Variants in GRID2 observed in about 807,000 individuals in gnomAD.
The protein encoded by GRID2 is glutamate ionotropic receptor delta type subunit 2.
GRID2 carries 33 observed loss-of-function variants against 114.8 expected under a neutral mutation model. The ratio of observed to expected loss-of-function variants is 0.29; its 90% CI spans 0.22 to 0.38. GRID2 has a LOEUF of 0.38. GRID2 is among the 10% of genes least tolerant of loss of function. GRID2 has a pLI of 1.00. For synonymous variants in GRID2, 505 were observed against 449.9 expected (o/e 1.12, Z -1.55); for missense variants, 1,184 against 1,257.7 (o/e 0.94, Z 0.89).
intron 2 of GRID2, among the ~76,000 whole-genome samples, chr4:92,658,456 C>G (rs1732352875): frequency 6.6e-6 from 1 of 151,728 alleles, no homozygotes; most frequent in African/African-American, 2.4e-5. Flanking sequence ...ATTAGCCACG[C>G]TGGTAAAGGC....
At chr4:92,381,825 C>T (rs1729634820) in intron 1 of GRID2, among the ~76,000 whole-genome samples, 1 of 151,964 alleles carries the variant, frequency 6.6e-6, no homozygotes, top group African/African-American at 2.4e-5. Flanking sequence ...GGTCTTACAT[C>T]TACCCTGTGG....
At chr4:93,679,299 A>G (rs530376486) in intron 14 of GRID2, among the ~76,000 whole-genome samples, 50 of 151,188 alleles carry the variant, frequency 3.3e-4, no homozygotes, top group Middle Eastern at 6.8e-3. Context: ...TGACCTACAA[A>G]GAGACTTAGA....
intron 14 of GRID2, among the ~76,000 whole-genome samples, chr4:93,760,816 A>AT (rs1733143595): frequency 6.6e-6 from 1 of 152,116 alleles, no homozygotes; most frequent in Admixed American, 6.5e-5. Context: ...AATCATAATC[A>AT]CTTCCCTGGA....
rs1201462257 is a variant in GRID2 at position 92,530,657 on chromosome 4, A to G, written c.89-59474A>G. ...TGGCTTATTCCTGTAATCCCAGTACATTGGGAGGCCAAGGCGGGCAGATCA... is the reference window on the plus strand; with the variant it reads ...TGGCTTATTCCTGTAATCCCAGTACGTTGGGAGGCCAAGGCGGGCAGATCA... On this transcript the variant is annotated intron_variant, in intron 1 of 15. Coordinates refer to ENST00000282020, the MANE Select transcript of GRID2 (RefSeq NM_001510.4). 2.0e-5 allele frequency among the ~76,000 whole-genome samples: 3 copies of G among 151,086 alleles called. No homozygotes were observed. In the East Asian group the frequency reaches 5.9e-4, roughly 30 times the overall value.
intron 8 of GRID2, among the ~76,000 whole-genome samples, chr4:93,363,678 TAA>T (rs1436355750): frequency 6.6e-6 from 1 of 152,084 alleles, no homozygotes; most frequent in Non-Finnish European, 1.5e-5. Context: ...TGAATCTGTT[TAA>T]GTTGATTTAA....
chr4:93,752,494 C>G lies in GRID2; in HGVS notation c.2361-16716C>G, dbSNP rs1732411238. ...CACACCCTTCTCCTGCCTCAGCCTC[C>G]TGAGTAGCTGGGACTACAGGCACCT... On this transcript the variant is annotated intron_variant, in intron 14 of 15. Transcript: ENST00000282020. Among the ~76,000 whole-genome samples, 4 of 152,124 alleles carry G rather than the reference C, an allele frequency of 2.6e-5. No individual in the cohort carries two copies. The South Asian group carries it at 8.3e-4, about 32-fold the overall frequency.
intron 8 of GRID2, among the ~76,000 whole-genome samples, chr4:93,336,083 A>G (rs1759059988): frequency 6.6e-6 from 1 of 152,190 alleles, no homozygotes; most frequent in Non-Finnish European, 1.5e-5. Flanking sequence ...TTTGCCACCA[A>G]GTTTAAACAG....
chr4:92,361,540 G>A (rs1728619972), intron 1 of GRID2, among the ~76,000 whole-genome samples: 1 of 151,930 alleles, frequency 6.6e-6, no homozygotes, highest in African/African-American at 2.4e-5. Context: ...GGATCCAGGT[G>A]TTCATACTCT....
intron 2 of GRID2, among the ~76,000 whole-genome samples, chr4:92,631,107 C>T (rs1730789828): frequency 6.6e-6 from 1 of 151,486 alleles, no homozygotes; most frequent in South Asian, 2.1e-4. Context: ...TGTAATGTTC[C>T]CTAAAGCCCC....
At chr4:93,258,038 A>G (rs1667438977) in intron 8 of GRID2, among the ~76,000 whole-genome samples, 1 of 149,650 alleles carries the variant, frequency 6.7e-6, no homozygotes. Context: ...AATACTGGTA[A>G]TACTAATATA....
intron 13 of GRID2, among the ~76,000 whole-genome samples, chr4:93,616,677 G>A (rs190509352): frequency 2.0e-5 from 3 of 150,622 alleles, no homozygotes; most frequent in Admixed American, 2.0e-4. Flanking sequence ...CACTTGCAAT[G>A]TCTATAGAAT....
chr4:93,218,568 T>C (rs1463444602), intron 6 of GRID2, among the ~76,000 whole-genome samples: 2 of 152,100 alleles, frequency 1.3e-5, no homozygotes, highest in African/African-American at 4.8e-5. Flanking sequence ...ATAACGTGCT[T>C]CTCTACCATT....
intron 2 of GRID2, among the ~76,000 whole-genome samples, chr4:93,027,450 G>A (rs1245171272): frequency 6.6e-6 from 1 of 152,078 alleles, no homozygotes; most frequent in Admixed American, 6.6e-5. Flanking sequence ...CAAAGGAAGA[G>A]TGTACTCCTG....
intron 2 of GRID2, among the ~76,000 whole-genome samples, chr4:93,054,858 G>A (rs944345964): frequency 1.3e-5 from 2 of 151,110 alleles, no homozygotes; most frequent in African/African-American, 4.9e-5. Context: ...AAAAATCCAG[G>A]ATCATAAGAA....
chr4:92,668,927 T>G (rs757137800), intron 2 of GRID2, among the ~76,000 whole-genome samples: 1 of 151,934 alleles, frequency 6.6e-6, no homozygotes, highest in South Asian at 2.1e-4. Flanking sequence ...ATATTGGGCC[T>G]TGTTACTTGG....
intron 2 of GRID2, among the ~76,000 whole-genome samples, chr4:92,806,627 T>A (rs1280246706): frequency 6.6e-6 from 1 of 151,962 alleles, no homozygotes; most frequent in Non-Finnish European, 1.5e-5. Flanking sequence ...TGACATATAT[T>A]GTACATACCA....
At chr4:93,226,370 A>G (rs992811850) in intron 7 of GRID2, among the ~76,000 whole-genome samples, 1 of 152,212 alleles carries the variant, frequency 6.6e-6, no homozygotes, top group Non-Finnish European at 1.5e-5. Flanking sequence ...CAGTCATAGG[A>G]TAGACATTTC....
At chr4:92,983,431 T>G (rs1042251594) in intron 2 of GRID2, among the ~76,000 whole-genome samples, 2 of 152,088 alleles carry the variant, frequency 1.3e-5, no homozygotes. Flanking sequence ...CCTCTTAATG[T>G]CATCACATTA....
intron 2 of GRID2, among the ~76,000 whole-genome samples, chr4:92,991,055 G>C (rs1754872945): frequency 1.3e-5 from 2 of 152,144 alleles, no homozygotes; most frequent in South Asian, 4.1e-4. Flanking sequence ...TATATTTTCT[G>C]CATTACGGAC....
Sources: gnomAD v4.1 joint callset for allele counts (sites outside exome capture counted in the v4.1 genomes callset) on GRCh38, gnomAD v4.1.1 for gene constraint, MANE v1.5 for transcripts, NCBI Gene and HGNC (gene_info 2026-07-23, HGNC 2026-07-21) for gene names.